The following ADGRB3 variants were observed in gnomAD, a reference collection of about 807,000 sequenced individuals.
The protein encoded by ADGRB3 is brain-specific angiogenesis inhibitor 3.
ADGRB3 carries 37 observed loss-of-function variants against 193.4 expected under a neutral mutation model. The observed-to-expected ratio is 0.19, with a 90% CI of 0.15 to 0.25. The LOEUF is 0.25. ADGRB3 is among the 10% of genes least tolerant of loss of function. The pLI is 1.00. For missense variants in ADGRB3, 1,637 were observed against 1,852.9 expected (o/e 0.88, Z 2.14); for synonymous variants, 690 against 644.2 (o/e 1.07, Z -1.08).
intron 16 of ADGRB3, among the ~76,000 whole-genome samples, chr6:69,072,414 A>G (rs1167307621): frequency 2.0e-5 from 3 of 152,220 alleles, no homozygotes; most frequent in Non-Finnish European, 4.4e-5. Flanking sequence ...AAGTCATGGA[A>G]AAAGATTAGA....
chr6:68,694,958 C>T (rs2746128), intron 3 of ADGRB3, among the ~76,000 whole-genome samples: 112,759 of 151,852 alleles, frequency 0.74, 42,357 homozygotes, highest in Middle Eastern at 0.91. Flanking sequence ...TGTATTGGGC[C>T]ATTTTATATC....
intron 3 of ADGRB3, among the ~76,000 whole-genome samples, chr6:68,884,184 T>C (rs563104806): frequency 7.2e-5 from 11 of 152,314 alleles, no homozygotes; most frequent in African/African-American, 2.6e-4. Context: ...GGCTTTAACA[T>C]ATACTCTTTC....
chr6:68,726,164 G>T lies in ADGRB3; in HGVS notation c.757+86732G>T, dbSNP rs1765670573. Reference sequence around the variant, plus strand: ...ATTATCTATCAAATATTGTATGCTGGAAAATTTTCTTCCATTATCTTTTTT... The same window carrying T: ...ATTATCTATCAAATATTGTATGCTGTAAAATTTTCTTCCATTATCTTTTTT... On this transcript the variant is annotated intron_variant, in intron 3 of 31. Coordinates refer to ENST00000370598, the MANE Select transcript of ADGRB3 (RefSeq NM_001704.3). 2.6e-5 allele frequency among the ~76,000 whole-genome samples: 4 copies of T among 151,554 alleles called. No homozygotes were observed. The South Asian group carries it at 8.3e-4, about 31-fold the overall frequency.
intron 3 of ADGRB3, among the ~76,000 whole-genome samples, chr6:68,669,604 TTGTGTGTGTGTGTGTG>T (rs59849376): frequency 4.5e-4 from 60 of 134,752 alleles, no homozygotes; most frequent in Non-Finnish European, 6.5e-4. Flanking sequence ...TAATACTCCA[TTGTGTGTGTGTGTGTG>T]TGTGTGTGTG....
At chr6:68,704,395 C>T (rs1765291514) in intron 3 of ADGRB3, among the ~76,000 whole-genome samples, 1 of 152,152 alleles carries the variant, frequency 6.6e-6, no homozygotes, top group South Asian at 2.1e-4. Context: ...TGGGAAGCAG[C>T]TATTTTTAAC....
At chr6:69,225,141 G>A (rs1765982001) in intron 17 of ADGRB3, among the ~76,000 whole-genome samples, 1 of 152,006 alleles carries the variant, frequency 6.6e-6, no homozygotes, top group Admixed American at 6.6e-5. Flanking sequence ...CTTGCATTCA[G>A]TCTTTTGACT....
intron 20 of ADGRB3, among the ~76,000 whole-genome samples, chr6:69,244,788 T>C (rs1200601059): frequency 6.6e-6 from 1 of 152,028 alleles, no homozygotes; most frequent in African/African-American, 2.4e-5. Context: ...TTGTCAGAGT[T>C]ACATGAATTA....
At position 69,084,989 on chromosome 6, in the gene ADGRB3, T is replaced by A. The variant is rs139483109; in HGVS notation, c.2480+8951T>A. 2.0e-4 allele frequency among the ~76,000 whole-genome samples: 30 copies of A among 152,256 alleles called. No individual in the cohort carries two copies. The East Asian group carries it at 5.8e-3, about 29-fold the overall frequency. On this transcript the variant is annotated intron_variant, in intron 17 of 31. Coordinates refer to ENST00000370598, the MANE Select transcript of ADGRB3 (RefSeq NM_001704.3). ...AAGGATAGTTATTCCTATTCTCTTG[T>A]TTGAAAAATGGGTCTTAGGTATCTT...
chr6:69,108,868 G>A (rs528646034), intron 17 of ADGRB3, among the ~76,000 whole-genome samples: 1 of 152,262 alleles, frequency 6.6e-6, no homozygotes, highest in East Asian at 1.9e-4. Context: ...TTTAAAGAGT[G>A]ATTACTTAAT....
At chr6:69,070,122 T>G (rs1361400787) in intron 16 of ADGRB3, among the ~76,000 whole-genome samples, 3 of 152,194 alleles carry the variant, frequency 2.0e-5, no homozygotes, top group Non-Finnish European at 4.4e-5. Context: ...ATGAAGTCAC[T>G]GCCCTTCTTC....
At chr6:69,363,460 G>T (rs945306966) in intron 29 of ADGRB3, among the ~76,000 whole-genome samples, 8 of 151,912 alleles carry the variant, frequency 5.3e-5, no homozygotes, top group Admixed American at 3.3e-4. Context: ...TTAAAAACAG[G>T]AATTAATCTT....
At chr6:68,721,388 A>T (rs1765574548) in intron 3 of ADGRB3, among the ~76,000 whole-genome samples, 1 of 150,566 alleles carries the variant, frequency 6.6e-6, no homozygotes. Context: ...AAAAAACCAA[A>T]CACTGCGTGT....
intron 17 of ADGRB3, among the ~76,000 whole-genome samples, chr6:69,151,567 T>C (rs755829477): frequency 9.2e-5 from 14 of 152,176 alleles, no homozygotes; most frequent in Non-Finnish European, 1.8e-4. Flanking sequence ...CTGTGATCAC[T>C]CATCTGATTT....
chr6:68,659,904 T>C (rs1768584721), intron 3 of ADGRB3, among the ~76,000 whole-genome samples: 1 of 151,034 alleles, frequency 6.6e-6, no homozygotes, highest in Non-Finnish European at 1.5e-5. Context: ...TACTATTAAT[T>C]CTTGCTTTCT....
At chr6:68,829,092 T>C (rs6940126) in intron 3 of ADGRB3, among the ~76,000 whole-genome samples, 1,202 of 11,152 alleles carry the variant, frequency 0.11, 84 homozygotes, top group African/African-American at 0.4. Context: ...TTTAAGTAAC[T>C]TTTTTTTTTT....
At chr6:68,999,510 C>A (rs927717837) in intron 11 of ADGRB3, among the ~76,000 whole-genome samples, 6 of 152,116 alleles carry the variant, frequency 3.9e-5, no homozygotes, top group African/African-American at 1.2e-4. Context: ...GTGATCTGCC[C>A]GCCTCAACCT....
intron 25 of ADGRB3, 113 bp from the exon 26 acceptor site, chr6:69,339,220 T>A: frequency 7.5e-7 from 1 of 1,334,430 alleles, no homozygotes; most frequent in Non-Finnish European, 1.0e-6. Context: ...CTTTGTGGTT[T>A]CCAAGTTAAT....
At chr6:68,896,745 T>A in intron 3 of ADGRB3, among the ~76,000 whole-genome samples, 1 of 152,104 alleles carries the variant, frequency 6.6e-6, no homozygotes, top group East Asian at 1.9e-4. Flanking sequence ...AAAGTAGCAT[T>A]CTAAATCATC....
chr6:69,291,469 T>C (rs1004753652), intron 20 of ADGRB3, among the ~76,000 whole-genome samples: 5 of 152,142 alleles, frequency 3.3e-5, no homozygotes, highest in Non-Finnish European at 7.4e-5. Flanking sequence ...AAAGGTAGAA[T>C]CTGTAGTTTT....
Sources: allele counts gnomAD v4.1 joint callset (sites outside exome capture counted in the v4.1 genomes callset), GRCh38; gene constraint gnomAD v4.1.1; transcripts MANE v1.5; gene names NCBI Gene and HGNC (gene_info 2026-07-23, HGNC 2026-07-21).